MRPS33: variants seen among roughly 807,000 people sequenced by gnomAD.
The protein encoded by MRPS33 is small ribosomal subunit protein mS33.
Under a neutral mutation model 11.2 loss-of-function variants are expected in MRPS33, and 11 were observed. The observed-to-expected ratio is 0.99, with a 90% CI of 0.62 to 1.63. The LOEUF (loss-of-function observed/expected upper bound fraction) is 1.63, where lower values mean the gene tolerates loss of function less well. Ranked by LOEUF, MRPS33 falls within the 40% of genes most tolerant of loss-of-function variation. The pLI, the probability that MRPS33 is intolerant of heterozygous loss-of-function variation, is 0.00. For missense variants in MRPS33, 109 were observed against 127.8 expected, an observed-to-expected ratio of 0.85 and a Z score of 0.71; for synonymous variants, 46 against 44.0, an observed-to-expected ratio of 1.05 and a Z score of -0.18.
At chr7:141,012,440 G>T (rs578053523) in intron 1 of MRPS33, among the ~76,000 whole-genome samples, 1 of 152,036 alleles carries the variant, frequency 6.6e-6, no homozygotes, top group Non-Finnish European at 1.5e-5. Flanking sequence ...TAGGACTAGG[G>T]TTATAGTCTC....
At position 141,010,459 on chromosome 7, in the gene MRPS33, CG is replaced by C. The variant is rs761473401; in HGVS notation, c.174del (p.Tyr58Ter). On this transcript the variant is annotated frameshift_variant, in exon 2 of 3. Coordinates refer to ENST00000324787, the MANE Select transcript of MRPS33 (RefSeq NM_053035.3). LOFTEE classifies it high-confidence loss of function. ...TYDWYPNHHT[Y>X]AELMQTLRFL... ...AATCGGAGCGTCTGCATGAGTTCAG[CG>C]TAAGTGTGGTGATTTGGATACCAAT... is the stretch of plus-strand genomic sequence containing the variant. 1.4e-5 allele frequency: 22 copies of C among 1,614,124 alleles called. No individual in the cohort carries two copies. The highest frequency in any genetic ancestry group is 1.9e-5 in the Non-Finnish European group (22 of 1,180,030).
intron 1 of MRPS33, among the ~76,000 whole-genome samples, chr7:141,012,173 C>CTAAAAAAA (rs1820690710): frequency 1.7e-5 from 1 of 58,782 alleles, no homozygotes; most frequent in Non-Finnish European, 2.8e-5. Flanking sequence ...GATTGTGTGT[C>CTAAAAAAA]AAAAAAAAAA....
At position 141,006,391 on chromosome 7, in the gene MRPS33, G is replaced by T. The variant is rs374867676; in HGVS notation, c.*39C>A. On this transcript the variant is annotated 3_prime_UTR_variant, in exon 3 of 3. Transcript: ENST00000324787. ...ACAATAAATGCACTTTCTTCTCTCC[G>T]CCACTGAGGAAGAAAGTCTCCCTCT... 2 of 1,514,042 alleles carry T rather than the reference G, an allele frequency of 1.3e-6. No individual in the cohort carries two copies. Among genetic ancestry groups the T allele is most frequent in the Non-Finnish European group, 1.8e-6 (2 of 1,095,252 alleles). The allele number at this position is 1,514,042 out of a possible 1,614,324, so 93.8% of individuals were successfully genotyped here.
intron 2 of MRPS33, among the ~76,000 whole-genome samples, chr7:141,008,764 G>C (rs1200371957): frequency 6.6e-6 from 1 of 151,386 alleles, no homozygotes; most frequent in Non-Finnish European, 1.5e-5. Flanking sequence ...GAATTCTTTT[G>C]TAATGGGCAT....
Position 141,010,516 on chromosome 7 carries a change from G to C in MRPS33, c.118C>G (p.Leu40Val). The C allele has an allele frequency of 6.2e-7, 1 of 1,614,206 alleles. No individual in the cohort carries two copies. The highest frequency in any genetic ancestry group is 8.5e-7 in the Non-Finnish European group (1 of 1,180,048). ...SMKVVKLFSE[L>V]PLAKKKETYD... is the part of the protein sequence containing the mutation. ...GTCTCCTTCTTCTTGGCCAAGGGCA[G>C]TTCACTAAACAGTTTCACCACTTTC... Residue 40 changes from leucine to valine, a missense_variant, in exon 2 of 3, where the codon CTG (leucine) becomes GTG (valine). Transcript: ENST00000324787.
At chr7:141,014,421 G>A (rs2129165340) in intron 1 of MRPS33, 1 of 152,320 alleles carries the variant, frequency 6.6e-6, no homozygotes, top group South Asian at 2.1e-4. Flanking sequence ...AGTTCATCAA[G>A]AACAATCTTC....
intron 2 of MRPS33, 131 bp downstream of exon 2, chr7:141,010,288 A>C: frequency 1.2e-6 from 1 of 811,024 alleles, no homozygotes; most frequent in Non-Finnish European, 1.9e-6. Flanking sequence ...TTCTCCTGCC[A>C]ACTGTACCTT....
At chr7:141,010,801 G>T in intron 1 of MRPS33, 141 bp from the exon 2 acceptor site, 1 of 655,268 alleles carries the variant, frequency 1.5e-6, no homozygotes, top group Non-Finnish European at 2.6e-6. Flanking sequence ...GAGTGGAGAA[G>T]TATCCACAGT....
intron 1 of MRPS33, among the ~76,000 whole-genome samples, chr7:141,012,113 A>G (rs1335862325): frequency 7.3e-6 from 1 of 137,448 alleles, no homozygotes; most frequent in Non-Finnish European, 1.5e-5. Flanking sequence ...TTGAGGTTAC[A>G]CTAAGTTATG....
intron 1 of MRPS33, among the ~76,000 whole-genome samples, chr7:141,011,965 T>A (rs1306342183): frequency 6.9e-6 from 1 of 145,668 alleles, no homozygotes; most frequent in African/African-American, 2.6e-5. Flanking sequence ...CCAGGCAACA[T>A]GGAGAAATCT....
In MRPS33 at chr7:141,010,614, T is replaced by C. The variant is rs1820654028; in HGVS notation, c.20A>G (p.Tyr7Cys). The C allele has an allele frequency of 5.6e-6, 9 of 1,614,078 alleles. No homozygotes were observed. In the East Asian group the frequency reaches 2.0e-4, roughly 36 times the overall value. Residue 7 changes from tyrosine to cysteine, a missense_variant, in exon 2 of 3, where the codon TAT (tyrosine) becomes TGT (cysteine). Coordinates refer to ENST00000324787, the MANE Select transcript of MRPS33 (RefSeq NM_053035.3). ...ACTGAGACGAGACATGCGGAAGGCA[T>C]ATTCTGAAAGGGAGGACATTTCTTG... is the stretch of plus-strand genomic sequence containing the variant. The part of the protein sequence containing the change: MSSLSE[Y>C]AFRMSRLSAR...
rs772696197 is a variant in MRPS33 at position 141,006,387 on chromosome 7, C to T, written c.*43G>A. 1.1e-5 allele frequency: 17 copies of T among 1,513,180 alleles called. No individual in the cohort carries two copies. The highest frequency in any genetic ancestry group is 1.6e-5 in the Non-Finnish European group (17 of 1,094,986). The allele number at this position is 1,513,180 out of a possible 1,614,324, so 93.7% of individuals were successfully genotyped here. On this transcript the variant is annotated 3_prime_UTR_variant, in exon 3 of 3. Coordinates refer to ENST00000324787, the MANE Select transcript of MRPS33 (RefSeq NM_053035.3). ...AAAGACAATAAATGCACTTTCTTCT[C>T]TCCGCCACTGAGGAAGAAAGTCTCC...
intron 2 of MRPS33, 69 bp from the exon 3 acceptor site, chr7:141,006,604 G>A (rs1039813427): frequency 3.0e-5 from 38 of 1,246,402 alleles, no homozygotes; most frequent in Non-Finnish European, 3.8e-5. Context: ...AATCTAGCAC[G>A]CACTGCTCTC....
Position 141,006,126 on chromosome 7 carries a change from T to C in MRPS33, c.*304A>G, listed in dbSNP as rs801099. ...CTCACTTAATGAGGTTTCCCCTCCA[T>C]TCCCCCAGCATCCCATCCCACCCCA... On this transcript the variant is annotated 3_prime_UTR_variant, in exon 3 of 3. Coordinates refer to ENST00000324787, the MANE Select transcript of MRPS33 (RefSeq NM_053035.3). The C allele has an allele frequency of 0.098, 34,579 of 352,802 alleles. 2,593 individuals are homozygous for C. The highest frequency in any genetic ancestry group is 0.27 in the South Asian group (7,758 of 28,824). The allele number at this position is 352,802 out of a possible 1,614,324, so 21.9% of individuals were successfully genotyped here. A position where few individuals can be genotyped will look rare whatever the true frequency, so the allele number is the denominator to read the frequency against.
chr7:141,012,146 C>A (rs1284503620), intron 1 of MRPS33, among the ~76,000 whole-genome samples: 2 of 121,006 alleles, frequency 1.7e-5, no homozygotes, highest in Non-Finnish European at 1.6e-5. Flanking sequence ...TACTCTATAG[C>A]CTGAGTGACA....
At position 141,002,842 on chromosome 7, in the gene MRPS33, A is replaced by G. The variant is rs1303849802; in HGVS notation, c.*3588T>C. 6.5e-6 allele frequency: 1 copy of G among 154,866 alleles called. No individual in the cohort carries two copies. The highest frequency in any genetic ancestry group is 1.4e-5 in the Non-Finnish European group (1 of 69,858). 9.6% of individuals were successfully genotyped at this position (154,866 alleles called of 1,614,324 possible). A position where few individuals can be genotyped will look rare whatever the true frequency, so the allele number is the denominator to read the frequency against. On this transcript the variant is annotated 3_prime_UTR_variant, in exon 3 of 3. Transcript: ENST00000324787. Reference sequence around the variant, plus strand: ...TGCTTGTAAACGTGGGGAACTTTATATTTTTAGGAGATACGTGTCAATGCT... The same window carrying G: ...TGCTTGTAAACGTGGGGAACTTTATGTTTTTAGGAGATACGTGTCAATGCT...
At position 141,005,107 on chromosome 7, in the gene MRPS33, A is replaced by T. The variant is rs1820492682; in HGVS notation, c.*1323T>A. On this transcript the variant is annotated 3_prime_UTR_variant, in exon 3 of 3. Coordinates refer to ENST00000324787, the MANE Select transcript of MRPS33 (RefSeq NM_053035.3). The stretch of plus-strand genomic sequence containing the variant: ...AATACAATAAAACCAGCAGCGAGCT[A>T]CTCAAATCTATACAACAGTCATCCC... 6.6e-6 allele frequency: 1 copy of T among 152,182 alleles called. No individual in the cohort carries two copies. Among genetic ancestry groups the T allele is most frequent in the African/African-American group, 2.4e-5 (1 of 41,420 alleles). 9.4% of individuals were successfully genotyped at this position (152,182 alleles called of 1,614,324 possible).
rs182510300 is a variant in MRPS33, at chr7:141,010,460, G to A, written c.174C>T (p.Tyr58=). 2.0e-5 allele frequency: 33 copies of A among 1,614,132 alleles called. 1 individual carries two copies. Among genetic ancestry groups the A allele is most frequent in the Middle Eastern group, 1.6e-4 (1 of 6,062 alleles). The part of the protein sequence containing the change: ...TYDWYPNHHT[Y]AELMQTLRFL... ...ATCGGAGCGTCTGCATGAGTTCAGC[G>A]TAAGTGTGGTGATTTGGATACCAAT... Residue 58 remains tyrosine (Y), a synonymous_variant, in exon 2 of 3, where the codon TAC becomes TAT. Transcript: ENST00000324787.
At chr7:141,014,752 A>G (rs1005045499) in intron 1 of MRPS33, 159 bp downstream of exon 1, 1 of 152,162 alleles carries the variant, frequency 6.6e-6, no homozygotes, top group Non-Finnish European at 1.5e-5. Flanking sequence ...GAGGCAGAAA[A>G]AGGCCAAGTT....
Sources: gnomAD v4.1 joint callset for allele counts (sites outside exome capture counted in the v4.1 genomes callset) on GRCh38, gnomAD v4.1.1 for gene constraint, MANE v1.5 for transcripts, NCBI Gene and HGNC (gene_info 2026-07-23, HGNC 2026-07-21) for gene names.